Variants in MIPEP observed in about 807,000 individuals in gnomAD.
The protein encoded by MIPEP is mitochondrial intermediate peptidase.
A neutral mutation model predicts 90.3 loss-of-function variants in MIPEP; 79 were observed. The observed-to-expected ratio is 0.87, with a 90% CI of 0.73 to 1.05. The LOEUF is 1.05. Among genes scored for constraint, MIPEP ranks in the 50% least tolerant of loss-of-function variants. The pLI is 0.00. For missense variants in MIPEP, 940 were observed against 905.6 expected (o/e 1.04, Z -0.49); for synonymous variants, 334 against 315.8 (o/e 1.06, Z -0.61).
chr13:23,783,990 T>C (rs1259121831), intron 16 of MIPEP, among the ~76,000 whole-genome samples: 1 of 152,158 alleles, frequency 6.6e-6, no homozygotes, highest in African/African-American at 2.4e-5. Flanking sequence ...TGCTCATGGA[T>C]AGGAAGAATC....
intron 16 of MIPEP, among the ~76,000 whole-genome samples, chr13:23,785,671 A>G (rs913873037): frequency 6.6e-6 from 1 of 152,056 alleles, no homozygotes; most frequent in African/African-American, 2.4e-5. Context: ...AAAAAAAGAA[A>G]AAAAGGGTGT....
intron 16 of MIPEP, among the ~76,000 whole-genome samples, chr13:23,779,778 C>G (rs929230626): frequency 6.6e-6 from 1 of 152,164 alleles, no homozygotes; most frequent in Admixed American, 6.5e-5. Context: ...ACTTTTCCAA[C>G]GGTCTTAGCA....
intron 14 of MIPEP, among the ~76,000 whole-genome samples, chr13:23,829,343 T>C (rs917339393): frequency 2.6e-5 from 4 of 152,052 alleles, no homozygotes; most frequent in African/African-American, 7.2e-5. Flanking sequence ...AGTGAAATCC[T>C]GTCTCTATAA....
At chr13:23,868,921 A>G (rs1428630105) in intron 7 of MIPEP, among the ~76,000 whole-genome samples, 2 of 152,126 alleles carry the variant, frequency 1.3e-5, no homozygotes, top group African/African-American at 4.8e-5. Flanking sequence ...ATATGACCTA[A>G]CCTACATTTA....
chr13:23,796,284 G>C (rs190299638), intron 16 of MIPEP, among the ~76,000 whole-genome samples: 1 of 152,106 alleles, frequency 6.6e-6, no homozygotes, highest in African/African-American at 2.4e-5. Context: ...CAGGGCGGTG[G>C]TGCATGCCTG....
intron 16 of MIPEP, among the ~76,000 whole-genome samples, chr13:23,769,816 G>A (rs1404145051): frequency 6.6e-6 from 1 of 152,214 alleles, no homozygotes; most frequent in Non-Finnish European, 1.5e-5. Flanking sequence ...AGTATTGAGA[G>A]GTGGGGCCTT....
chr13:23,830,561 G>T (rs866564867), intron 14 of MIPEP, among the ~76,000 whole-genome samples: 2 of 152,116 alleles, frequency 1.3e-5, no homozygotes, highest in Non-Finnish European at 2.9e-5. Context: ...AAATAAAAGA[G>T]AAATTCATTA....
intron 14 of MIPEP, among the ~76,000 whole-genome samples, chr13:23,832,952 T>C (rs1354047691): frequency 6.6e-6 from 1 of 152,238 alleles, no homozygotes; most frequent in Non-Finnish European, 1.5e-5. Context: ...AGCATACTTC[T>C]AATTCTTCCA....
Position 23,805,993 on chromosome 13 carries a change from T to C in MIPEP, c.1805A>G (p.Glu602Gly). The C allele has an allele frequency of 3.7e-6, 6 of 1,614,038 alleles. No homozygotes were observed. Among genetic ancestry groups the C allele is most frequent in the Non-Finnish European group, 5.1e-6 (6 of 1,179,914 alleles). ...TAGGCCATAGAATTTCTCTTGTGTT[T>C]CCTTGAGAATGTCTGTGGTTGAATT... Reference protein sequence around the residue: ...LRNSTTDILKETQEKFYGLPY... With the variant: ...LRNSTTDILKGTQEKFYGLPY... Residue 602 changes from glutamate (E) to glycine (G), a missense_variant, in exon 16 of 19, where the codon GAA (glutamate) becomes GGA (glycine). Physicochemically the swap from Glu to Gly is moderately conservative, Grantham distance 98. Coordinates refer to ENST00000382172, the MANE Select transcript of MIPEP (RefSeq NM_005932.4).
At chr13:23,833,399 C>T (rs932357321) in intron 14 of MIPEP, among the ~76,000 whole-genome samples, 10 of 152,210 alleles carry the variant, frequency 6.6e-5, no homozygotes, top group Admixed American at 2.0e-4. Context: ...TTAGAGACTA[C>T]GTCTGTAAGT....
Position 23,824,109 on chromosome 13 carries a change from C to G in MIPEP, c.1653+12131G>C, listed in dbSNP as rs116309979. On this transcript the variant is annotated intron_variant, in intron 14 of 18. Coordinates refer to ENST00000382172, the MANE Select transcript of MIPEP (RefSeq NM_005932.4). ...TTTGGAATGATTCTAAAAATAACACCAAAAAATACAAATGTTTGGTAAACA... is the reference window on the plus strand; with the variant it reads ...TTTGGAATGATTCTAAAAATAACACGAAAAAATACAAATGTTTGGTAAACA... 6.4e-3 allele frequency among the ~76,000 whole-genome samples: 969 copies of G among 152,194 alleles called. 7 individuals are homozygous for G. The highest frequency in any genetic ancestry group is 0.023 in the African/African-American group (941 of 41,506).
chr13:23,747,463 T>C, intron 18 of MIPEP: 1 of 464,784 alleles, frequency 2.2e-6, no homozygotes, highest in Non-Finnish European at 4.3e-6. Flanking sequence ...TAACAGTCAG[T>C]ACTCGTCCAG....
chr13:23,860,481 C>A (rs1870243031), intron 9 of MIPEP, among the ~76,000 whole-genome samples: 3 of 152,292 alleles, frequency 2.0e-5, no homozygotes, highest in Middle Eastern at 3.4e-3. Context: ...AAGAACACAG[C>A]CTCGGCTTGG....
chr13:23,809,452 C>A (rs1953148113), intron 15 of MIPEP, among the ~76,000 whole-genome samples: 1 of 151,692 alleles, frequency 6.6e-6, no homozygotes, highest in Admixed American at 6.6e-5. Context: ...TCAAGCGATT[C>A]TCCTGCCTCA....
At chr13:23,744,301 C>T (rs1377410874) in intron 18 of MIPEP, among the ~76,000 whole-genome samples, 1 of 152,184 alleles carries the variant, frequency 6.6e-6, no homozygotes, top group African/African-American at 2.4e-5. Flanking sequence ...CTCTGATAAC[C>T]CAATAATATC....
chr13:23,888,637 T>A, intron 1 of MIPEP: 1 of 874,112 alleles, frequency 1.1e-6, no homozygotes, highest in Non-Finnish European at 1.4e-6. Flanking sequence ...TGAAATAAAT[T>A]AATTAATAGA....
chr13:23,801,706 T>G (rs940184060), intron 16 of MIPEP, among the ~76,000 whole-genome samples: 1 of 152,224 alleles, frequency 6.6e-6, no homozygotes, highest in African/African-American at 2.4e-5. Flanking sequence ...TTGATTCATC[T>G]GGTATTCATT....
At chr13:23,735,667 C>T (rs1310781156) in intron 18 of MIPEP, among the ~76,000 whole-genome samples, 1 of 152,124 alleles carries the variant, frequency 6.6e-6, no homozygotes, top group Non-Finnish European at 1.5e-5. Flanking sequence ...AATATATACA[C>T]TTGTGGGCTT....
intron 10 of MIPEP, among the ~76,000 whole-genome samples, chr13:23,858,095 T>C (rs1388957645): frequency 1.3e-5 from 2 of 152,042 alleles, no homozygotes; most frequent in African/African-American, 4.8e-5. Flanking sequence ...TGTTAATAAG[T>C]TGTTAAAGAG....
Sources: allele counts gnomAD v4.1 joint callset (sites outside exome capture counted in the v4.1 genomes callset), GRCh38; gene constraint gnomAD v4.1.1; transcripts MANE v1.5; gene names NCBI Gene and HGNC (gene_info 2026-07-23, HGNC 2026-07-21).